Variants in LDB2 observed in about 807,000 individuals in gnomAD.
LDB2 encodes the protein LIM domain binding 2, also known as LIM domain-binding protein 2.
In LDB2, 12 loss-of-function variants were observed where a neutral mutation model predicts 44.3. The observed-to-expected ratio is 0.27, with a 90% CI of 0.17 to 0.44. The LOEUF (loss-of-function observed/expected upper bound fraction) is 0.44. Among genes scored for constraint, LDB2 ranks in the 20% least tolerant of loss-of-function variants. The pLI is 1.00. For missense variants in LDB2, 344 were observed against 473.5 expected (o/e 0.73, Z 2.54); for synonymous variants, 164 against 174.8 (o/e 0.94, Z 0.49).
At chr4:16,591,470 A>G (rs1219761378) in intron 3 of LDB2, among the ~76,000 whole-genome samples, 1 of 152,198 alleles carries the variant, frequency 6.6e-6, no homozygotes, top group Non-Finnish European at 1.5e-5. Context: ...ACCATGTGCA[A>G]GGCAGGAATC....
intron 1 of LDB2, among the ~76,000 whole-genome samples, chr4:16,810,739 G>A (rs1779691734): frequency 1.4e-5 from 2 of 145,790 alleles, no homozygotes; most frequent in East Asian, 2.0e-4. Context: ...TTTCAGGGGG[G>A]TTCACGGAAG....
intron 1 of LDB2, among the ~76,000 whole-genome samples, chr4:16,759,815 A>G (rs936077338): frequency 6.6e-6 from 1 of 152,182 alleles, no homozygotes. Context: ...TCACATATAT[A>G]TGGACTGTTC....
intron 2 of LDB2, chr4:16,726,383 G>T (rs965484490): frequency 5.9e-5 from 9 of 151,702 alleles, no homozygotes; most frequent in Admixed American, 5.9e-4. Context: ...CAGTGCAGAT[G>T]AAATTCAATG....
intron 1 of LDB2, among the ~76,000 whole-genome samples, chr4:16,798,598 G>T (rs1777178177): frequency 6.6e-6 from 1 of 152,106 alleles, no homozygotes; most frequent in South Asian, 2.1e-4. Flanking sequence ...AGCTGAAAAT[G>T]CCCCCCACCT....
chr4:16,881,605 T>TC lies in LDB2; in HGVS notation c.132+16748_132+16749insG, dbSNP rs1412334967. Among the ~76,000 whole-genome samples, 55 of 150,288 alleles carry TC rather than the reference T, an allele frequency of 3.7e-4. 1 individual carries two copies. Among genetic ancestry groups the TC allele is most frequent in the African/African-American group, 1.2e-3 (49 of 41,122 alleles). On this transcript the variant is annotated intron_variant, in intron 1 of 7. Coordinates refer to ENST00000304523, the MANE Select transcript of LDB2 (RefSeq NM_001290.5). ...ATTCGGGGAGGGGAATTTGGGCCTT[T>TC]TTTTTTTTTTTTTTAAGATTGACTA...
rs141530766 is a variant in LDB2, at chr4:16,504,676, G to A, written c.892-1803C>T. Among the ~76,000 whole-genome samples, 347 of 152,348 alleles carry A rather than the reference G, an allele frequency of 2.3e-3. 1 individual carries two copies. Among genetic ancestry groups the A allele is most frequent in the Middle Eastern group, 6.8e-3 (2 of 294 alleles). The stretch of plus-strand genomic sequence containing the variant: ...AAAGGATGACAGGATTTTAGATGGA[G>A]TGTGGCCACCACAGAGGCATGAATG... On this transcript the variant is annotated intron_variant, in intron 7 of 7. Transcript: ENST00000304523.
chr4:16,712,081 T>G (rs2152662866), intron 2 of LDB2, among the ~76,000 whole-genome samples: 1 of 152,256 alleles, frequency 6.6e-6, no homozygotes, highest in East Asian at 1.9e-4. Context: ...ATCAAAATTT[T>G]AAAAAATTGT....
At chr4:16,860,793 G>A (rs1221955601) in intron 1 of LDB2, among the ~76,000 whole-genome samples, 1 of 152,220 alleles carries the variant, frequency 6.6e-6, no homozygotes, top group Non-Finnish European at 1.5e-5. Flanking sequence ...CTAAGTCATG[G>A]CTGGTGAATG....
chr4:16,583,043 C>T (rs904653237), intron 5 of LDB2, among the ~76,000 whole-genome samples: 7 of 152,240 alleles, frequency 4.6e-5, no homozygotes, highest in Admixed American at 2.0e-4. Context: ...TCTGCATTCA[C>T]AATGTCCACA....
chr4:16,692,958 A>G (rs564773114), intron 2 of LDB2, among the ~76,000 whole-genome samples: 1 of 152,336 alleles, frequency 6.6e-6, no homozygotes, highest in South Asian at 2.1e-4. Context: ...AGATTATTAC[A>G]AAAGTGTTTT....
intron 2 of LDB2, among the ~76,000 whole-genome samples, chr4:16,690,163 G>A (rs1261757967): frequency 1.3e-5 from 2 of 152,088 alleles, no homozygotes; most frequent in Non-Finnish European, 2.9e-5. Flanking sequence ...TATCACAAGG[G>A]TGTGTGGTAT....
chr4:16,535,438 T>TA (rs1731491293), intron 5 of LDB2, among the ~76,000 whole-genome samples: 1 of 152,208 alleles, frequency 6.6e-6, no homozygotes, highest in Admixed American at 6.5e-5. Flanking sequence ...ATCCAACAAA[T>TA]ATGTTTTGAG....
chr4:16,802,254 G>T (rs1023467984), intron 1 of LDB2, among the ~76,000 whole-genome samples: 3 of 152,150 alleles, frequency 2.0e-5, no homozygotes, highest in African/African-American at 7.2e-5. Context: ...GACCCACCCC[G>T]CCTCAGGGGC....
chr4:16,722,455 G>A (rs1343057444), intron 2 of LDB2, among the ~76,000 whole-genome samples: 2 of 152,018 alleles, frequency 1.3e-5, no homozygotes, highest in African/African-American at 2.4e-5. Context: ...TTTTTTCTGT[G>A]ATTCTACAAT....
chr4:16,832,167 G>T (rs1784181998), intron 1 of LDB2, among the ~76,000 whole-genome samples: 1 of 152,208 alleles, frequency 6.6e-6, no homozygotes, highest in Non-Finnish European at 1.5e-5. Context: ...TTACATGTTT[G>T]CTATGTTCTG....
intron 5 of LDB2, among the ~76,000 whole-genome samples, chr4:16,569,650 G>A (rs1041159402): frequency 2.6e-5 from 4 of 152,106 alleles, no homozygotes; most frequent in Admixed American, 6.5e-5. Context: ...ACCTGGGTCA[G>A]CCTCCATCCC....
chr4:16,736,463 G>A (rs912003988), intron 2 of LDB2, among the ~76,000 whole-genome samples: 1 of 152,162 alleles, frequency 6.6e-6, no homozygotes, highest in Admixed American at 6.5e-5. Flanking sequence ...CTAATCTAAT[G>A]TAACATTTCG....
intron 1 of LDB2, among the ~76,000 whole-genome samples, chr4:16,786,547 GT>G (rs1774457511): frequency 6.6e-6 from 1 of 152,084 alleles, no homozygotes; most frequent in Admixed American, 6.5e-5. Flanking sequence ...ACCCTGCATA[GT>G]TTTTCAGTTT....
intron 1 of LDB2, among the ~76,000 whole-genome samples, chr4:16,784,116 T>A (rs1299096823): frequency 1.3e-5 from 2 of 152,234 alleles, no homozygotes; most frequent in Admixed American, 6.5e-5. Context: ...AAAGAATTTT[T>A]AAAATAATCA....
Sources: gnomAD v4.1 joint callset for allele counts (sites outside exome capture counted in the v4.1 genomes callset) on GRCh38, gnomAD v4.1.1 for gene constraint, MANE v1.5 for transcripts, NCBI Gene and HGNC (gene_info 2026-07-23, HGNC 2026-07-21) for gene names.